SP140L: variants seen among roughly 807,000 people sequenced by gnomAD.
The protein encoded by SP140L is SP140 like nuclear body protein.
Under a neutral mutation model 84.3 loss-of-function variants are expected in SP140L, and 64 were observed. The observed-to-expected ratio is 0.76, with a 90% CI of 0.62 to 0.94. The LOEUF is 0.94. Among genes scored for constraint, SP140L ranks in the 40% least tolerant of loss-of-function variants. The pLI, the probability that SP140L is intolerant of heterozygous loss-of-function variation, is 0.00. For synonymous variants in SP140L, 242 were observed against 236.9 expected (o/e 1.02, Z -0.20); for missense variants, 628 against 692.5 (o/e 0.91, Z 1.05).
chr2:230,382,333 C>T lies in SP140L; in HGVS notation c.638-1177C>T, dbSNP rs6718211. On this transcript the variant is annotated intron_variant, in intron 7 of 18. Transcript: ENST00000415673. ...AGCACTGGAGCAGGGTGTTTTCCTT[C>T]TGGACAAAGGATCCAGGGTAGTTCT... Among the ~76,000 whole-genome samples, 550 of 152,230 alleles carry T rather than the reference C, an allele frequency of 3.6e-3. 6 individuals carry two copies. The highest frequency in any genetic ancestry group is 0.013 in the African/African-American group (531 of 41,520).
At position 230,403,609 on chromosome 2, in the gene SP140L, T is replaced by C. The variant is rs17273079; in HGVS notation, c.*713T>C. The C allele has an allele frequency of 0.26, 40,317 of 152,204 alleles. 5,724 individuals carry two copies. The highest frequency in any genetic ancestry group is 0.31 in the Non-Finnish European group (20,889 of 68,028). 9.4% of individuals were successfully genotyped at this position (152,204 alleles called of 1,614,324 possible). ...TCAACTCCCTGCAGAACTCCCAAAC[T>C]GCCGTTCTTTTCGATAGCTCACGAT... On this transcript the variant is annotated 3_prime_UTR_variant, in exon 19 of 19. Transcript: ENST00000415673.
intron 2 of SP140L, among the ~76,000 whole-genome samples, chr2:230,342,856 A>G (rs930573991): frequency 4.0e-5 from 6 of 151,722 alleles, no homozygotes; most frequent in African/African-American, 1.5e-4. Context: ...AGTTTTGTTG[A>G]TCTTTTCTAC....
chr2:230,335,683 A>G (rs897814073), intron 2 of SP140L, among the ~76,000 whole-genome samples: 6 of 152,178 alleles, frequency 3.9e-5, no homozygotes, highest in African/African-American at 1.2e-4. Context: ...AGAGTGTGGT[A>G]ACTAATGTCA....
Position 230,328,781 on chromosome 2 carries a change from A to G in SP140L, c.57A>G (p.Gln19=). 1 of 1,613,002 alleles carries G rather than the reference A, an allele frequency of 6.2e-7. No homozygotes were observed. The highest frequency in any genetic ancestry group is 8.5e-7 in the Non-Finnish European group (1 of 1,179,338). ...STRGLNGGVS[Q]VANEMNHLPA... ...GGGGGCTGAACGGAGGTGTTTCACAAGTAGCAAATGAGATGAACCATCTTC... is the reference window on the plus strand; with the variant it reads ...GGGGGCTGAACGGAGGTGTTTCACAGGTAGCAAATGAGATGAACCATCTTC... The change falls in exon 2 of 19, where the codon CAA becomes CAG. Residue 19 remains glutamine (Q), a synonymous_variant. Coordinates refer to ENST00000415673, the MANE Select transcript of SP140L (RefSeq NM_138402.6).
intron 1 of SP140L, 88 bp downstream of exon 1, chr2:230,327,389 A>G (rs1449310177): frequency 6.9e-7 from 1 of 1,458,088 alleles, no homozygotes. Context: ...CTAAAGCTTC[A>G]GTTTAGTCCT....
chr2:230,327,293 G>C lies in SP140L; in HGVS notation c.24G>C (p.Leu8=). ...CGATGGCAGGTGGGGGCAGCGACCT[G>C]AGCACCAGGTGAGTCTTTATCTCTC... The part of the protein sequence containing the change: MAGGGSD[L]STRGLNGGVS... Residue 8 remains leucine, a synonymous_variant, in exon 1 of 19, where the codon CTG becomes CTC. Coordinates refer to ENST00000415673, the MANE Select transcript of SP140L (RefSeq NM_138402.6). 2 of 1,611,724 alleles carry C rather than the reference G, an allele frequency of 1.2e-6. No individual in the cohort carries two copies. Among genetic ancestry groups the C allele is most frequent in the Non-Finnish European group, 1.7e-6 (2 of 1,178,968 alleles).
At chr2:230,328,876 A>C in intron 2 of SP140L, 45 bp downstream of exon 2, 1 of 1,587,492 alleles carries the variant, frequency 6.3e-7, no homozygotes, top group East Asian at 2.3e-5. Flanking sequence ...TTTCCTGATA[A>C]TGTGGAAAGC....
In SP140L at chr2:230,402,899, G is replaced by T. The variant is rs2062420041; in HGVS notation, c.*3G>T. On this transcript the variant is annotated 3_prime_UTR_variant, in exon 19 of 19. Transcript: ENST00000415673. Reference sequence around the variant, plus strand: ...AGGAAACAAATGGGAACAGTTGACTGGTTTAGTGGATGCTGAAGGCCTTCA... The same window carrying T: ...AGGAAACAAATGGGAACAGTTGACTTGTTTAGTGGATGCTGAAGGCCTTCA... 1.2e-6 allele frequency: 2 copies of T among 1,603,802 alleles called. No individual in the cohort carries two copies. Among genetic ancestry groups the T allele is most frequent in the Admixed American group, 1.7e-5 (1 of 57,360 alleles).
intron 8 of SP140L, among the ~76,000 whole-genome samples, chr2:230,384,407 A>G (rs1392844781): frequency 6.6e-6 from 1 of 152,184 alleles, no homozygotes; most frequent in Non-Finnish European, 1.5e-5. Flanking sequence ...CCTTTCTCCT[A>G]GTCAATGAAG....
At chr2:230,342,055 G>T (rs1174259342) in intron 2 of SP140L, 8 of 161,422 alleles carry the variant, frequency 5.0e-5, no homozygotes, top group Non-Finnish European at 8.0e-5. Flanking sequence ...GTTTACCTAA[G>T]CAAGCCTGGG....
intron 10 of SP140L, among the ~76,000 whole-genome samples, 158 bp from the exon 11 acceptor site, chr2:230,389,761 G>A (rs540101385): frequency 1.3e-5 from 2 of 152,250 alleles, no homozygotes; most frequent in South Asian, 2.1e-4. Context: ...TGTAGTTACC[G>A]ATCAAAAATG....
At chr2:230,371,753 A>G in intron 7 of SP140L, 102 bp downstream of exon 7, 4 of 1,114,734 alleles carry the variant, frequency 3.6e-6, no homozygotes, top group Admixed American at 2.3e-5. Context: ...ATTATTTGCA[A>G]TACTGTGGTA....
At chr2:230,385,352 A>T in intron 9 of SP140L, 48 bp downstream of exon 9, 1 of 1,574,680 alleles carries the variant, frequency 6.4e-7, no homozygotes, top group Non-Finnish European at 8.7e-7. Flanking sequence ...AGGTCAATGC[A>T]CATGTTGAGG....
intron 5 of SP140L, among the ~76,000 whole-genome samples, chr2:230,366,710 C>T (rs930432173): frequency 3.4e-4 from 49 of 144,582 alleles, no homozygotes; most frequent in Non-Finnish European, 3.5e-4. Flanking sequence ...GGATTATTAT[C>T]TATTATTATT....
intron 2 of SP140L, among the ~76,000 whole-genome samples, chr2:230,348,604 A>C (rs2060277688): frequency 6.6e-6 from 1 of 152,224 alleles, no homozygotes; most frequent in Non-Finnish European, 1.5e-5. Flanking sequence ...TTCTTTACAT[A>C]CCTGAATATA....
At position 230,403,633 on chromosome 2, in the gene SP140L, A is replaced by G. The variant is rs983344506; in HGVS notation, c.*737A>G. The G allele has an allele frequency of 6.6e-6, 1 of 152,222 alleles. No homozygotes were observed. Among genetic ancestry groups the G allele is most frequent in the African/African-American group, 2.4e-5 (1 of 41,424 alleles). The allele number at this position is 152,222 out of a possible 1,614,324, so 9.4% of individuals were successfully genotyped here. ...CTGCCGTTCTTTTCGATAGCTCACG[A>G]TGGTGTATGAGTGTCAATCATCTGA... On this transcript the variant is annotated 3_prime_UTR_variant, in exon 19 of 19. Coordinates refer to ENST00000415673, the MANE Select transcript of SP140L (RefSeq NM_138402.6).
intron 18 of SP140L, 47 bp from the exon 19 acceptor site, chr2:230,402,751 C>T (rs544415030): frequency 1.4e-6 from 2 of 1,413,064 alleles, no homozygotes; most frequent in East Asian, 2.3e-5. Context: ...TATCTAATGA[C>T]ACTAATGATA....
At position 230,357,990 on chromosome 2, in the gene SP140L, C is replaced by T. The variant is rs748065931; in HGVS notation, c.270+23C>T. The T allele has an allele frequency of 4.3e-6, 7 of 1,610,450 alleles. No homozygotes were observed. In the Admixed American group the frequency reaches 5.1e-5, roughly 12 times the overall value. ...GAAGTAAGTAAAGTTTATTTCACAA[C>T]CTGGCAGATATGCTTTCATATTTTA... On this transcript the variant is annotated intron_variant, in intron 3 of 18. Transcript: ENST00000415673.
intron 10 of SP140L, 106 bp from the exon 11 acceptor site, chr2:230,389,813 A>G: frequency 9.2e-7 from 1 of 1,089,592 alleles, no homozygotes; most frequent in Non-Finnish European, 1.3e-6. Flanking sequence ...GATTTATGGA[A>G]TAGAATTTCC....
Sources: gnomAD v4.1 joint callset for allele counts (sites outside exome capture counted in the v4.1 genomes callset) on GRCh38, gnomAD v4.1.1 for gene constraint, MANE v1.5 for transcripts, NCBI Gene and HGNC (gene_info 2026-07-23, HGNC 2026-07-21) for gene names.